DNMBP: variants seen among roughly 807,000 people sequenced by gnomAD.
DNMBP encodes the protein dynamin-binding protein.
Under a neutral mutation model 150.0 loss-of-function variants are expected in DNMBP, and 87 were observed. The observed-to-expected ratio is 0.58, with a 90% CI of 0.49 to 0.69. The LOEUF (loss-of-function observed/expected upper bound fraction) is 0.69, where lower values mean the gene tolerates loss of function less well. Ranked by LOEUF, DNMBP falls within the 30% of genes least tolerant of loss-of-function variation. The pLI is 0.00. For synonymous variants in DNMBP, 711 were observed against 750.4 expected (o/e 0.95, Z 0.86); for missense variants, 1,774 against 1,949.0 (o/e 0.91, Z 1.69).
intron 1 of DNMBP, among the ~76,000 whole-genome samples, chr10:99,999,474 T>C (rs747952619): frequency 1.3e-5 from 2 of 152,200 alleles, no homozygotes; most frequent in Non-Finnish European, 2.9e-5. Context: ...ATTGTTGTTG[T>C]TACACACAGT....
chr10:99,932,975 T>TA (rs199503935), intron 4 of DNMBP, among the ~76,000 whole-genome samples: 6,633 of 151,188 alleles, frequency 0.044, 167 homozygotes, highest in South Asian at 0.082. Flanking sequence ...AACAGAGACT[T>TA]ACGGTTCAGT....
chr10:99,958,594 A>G (rs2040525320), intron 3 of DNMBP, among the ~76,000 whole-genome samples: 1 of 152,256 alleles, frequency 6.6e-6, no homozygotes, highest in Admixed American at 6.5e-5. Flanking sequence ...TTCCAAGAGA[A>G]AATGAGAATT....
At chr10:99,954,487 G>A (rs1414010319) in intron 4 of DNMBP, among the ~76,000 whole-genome samples, 2 of 151,748 alleles carry the variant, frequency 1.3e-5, no homozygotes, top group African/African-American at 4.8e-5. Context: ...GCTCATGCCT[G>A]TAATCCCAGC....
chr10:99,877,528 T>G (rs1448707930), intron 16 of DNMBP, among the ~76,000 whole-genome samples, 192 bp from the exon 17 acceptor site: 1 of 151,992 alleles, frequency 6.6e-6, no homozygotes, highest in African/African-American at 2.4e-5. Context: ...TTTAAATAGG[T>G]ACATACGGAT....
chr10:99,986,056 A>G (rs927066359), intron 1 of DNMBP, among the ~76,000 whole-genome samples: 4 of 152,064 alleles, frequency 2.6e-5, no homozygotes, highest in Non-Finnish European at 4.4e-5. Flanking sequence ...TGGCCTCTCA[A>G]TGTCCTAGAT....
chr10:99,962,790 C>T (rs1216205684), intron 3 of DNMBP, among the ~76,000 whole-genome samples: 1 of 152,232 alleles, frequency 6.6e-6, no homozygotes, highest in Non-Finnish European at 1.5e-5. Context: ...ATAACTCCCA[C>T]TCTGCTGGCT....
rs199917003 is a variant in DNMBP, at chr10:99,885,827, T to C, written c.3658A>G (p.Ile1220Val). ...VAGREGNLIA[I>V]FHEEHSRVLQ... ...ACTCTGCTGTGCTCTTCGTGGAAGA[T>C]GGCAATAAGGTTTCCCTCTCTGCCA... The change falls in exon 14 of 17, where the codon ATC becomes GTC. Residue 1220 changes from isoleucine (I) to valine (V), a missense_variant. This residue lies in a region of DNMBP where 1,430 missense variants were observed against 1,492.5 expected (regional missense o/e 0.96). Coordinates refer to ENST00000324109, the MANE Select transcript of DNMBP (RefSeq NM_015221.4). 8.1e-6 allele frequency: 13 copies of C among 1,613,362 alleles called. No individual in the cohort carries two copies. The highest frequency in any genetic ancestry group is 3.3e-4 in the Middle Eastern group (2 of 6,058).
intron 11 of DNMBP, among the ~76,000 whole-genome samples, chr10:99,890,366 C>T (rs572540692): frequency 6.6e-6 from 1 of 152,140 alleles, no homozygotes; most frequent in South Asian, 2.1e-4. Flanking sequence ...TGTGGCATGA[C>T]AAAACTATTC....
rs562510309 is a variant in DNMBP at position 100,006,623 on chromosome 10, T to C, written c.-11+3215A>G. On this transcript the variant is annotated intron_variant, in intron 1 of 16. Transcript: ENST00000324109. ...CACTCAGTGTAAAGGCCAAAATCCT[T>C]ACAATGACCTACACTGATGTGTCCT... is the stretch of plus-strand genomic sequence containing the variant. 2.8e-3 allele frequency among the ~76,000 whole-genome samples: 430 copies of C among 152,058 alleles called. 5 individuals are homozygous for C. The highest frequency in any genetic ancestry group is 0.015 in the South Asian group (73 of 4,796).
intron 1 of DNMBP, among the ~76,000 whole-genome samples, chr10:100,001,025 T>TTCAA (rs2041004130): frequency 7.0e-6 from 1 of 142,524 alleles, no homozygotes. Context: ...GAGGGAGGAG[T>TTCAA]TCAAGACCAG....
In DNMBP at chr10:99,980,136, T is replaced by C. The variant is rs149442230; in HGVS notation, c.-10-8002A>G. Among the ~76,000 whole-genome samples the C allele has an allele frequency of 8.5e-3, 1,287 of 152,280 alleles. 18 individuals are homozygous for C. The highest frequency in any genetic ancestry group is 0.044 in the Middle Eastern group (13 of 294). On this transcript the variant is annotated intron_variant, in intron 1 of 16. Transcript: ENST00000324109. Reference sequence around the variant, plus strand: ...GAGAGTAAATGTATCAGAGAAAACATATTCAGAAATAAAATTTACAATGTA... The same window carrying C: ...GAGAGTAAATGTATCAGAGAAAACACATTCAGAAATAAAATTTACAATGTA...
rs1013707150 is a variant in DNMBP at position 99,983,981 on chromosome 10, AT to A, written c.-10-11848del. Among the ~76,000 whole-genome samples, 136 of 152,060 alleles carry A rather than the reference AT, an allele frequency of 8.9e-4. 1 individual carries two copies. Among genetic ancestry groups the A allele is most frequent in the African/African-American group, 3.1e-3 (129 of 41,478 alleles). ...CTAAACCACCCGAACACTTCTATAA[AT>A]TTTTTTTGTTTTACGAAAGACAGAA... On this transcript the variant is annotated intron_variant, in intron 1 of 16. Coordinates refer to ENST00000324109, the MANE Select transcript of DNMBP (RefSeq NM_015221.4).
chr10:99,976,440 A>G (rs1000508733), intron 1 of DNMBP, among the ~76,000 whole-genome samples: 1 of 152,212 alleles, frequency 6.6e-6, no homozygotes, highest in African/African-American at 2.4e-5. Context: ...AGCACTGTCT[A>G]TCTTTTAGGC....
At chr10:99,990,097 A>G (rs2040869740) in intron 1 of DNMBP, among the ~76,000 whole-genome samples, 2 of 152,232 alleles carry the variant, frequency 1.3e-5, no homozygotes, top group Non-Finnish European at 2.9e-5. Context: ...TAATTTATAC[A>G]TCAAAACGTA....
rs547012693 is a variant in DNMBP, at chr10:99,946,217, C to T, written c.2260+8997G>A. On this transcript the variant is annotated intron_variant, in intron 4 of 16. Transcript: ENST00000324109. ...AAGTCATCCATCCGCCTCGGCCTCC[C>T]AGAGTGCTGGGATTACAGGCATGAG... Among the ~76,000 whole-genome samples, 11 of 152,360 alleles carry T rather than the reference C, an allele frequency of 7.2e-5. No homozygotes were observed. The South Asian group carries it at 2.1e-3, about 29-fold the overall frequency.
At chr10:99,976,248 C>T (rs374581546) in intron 1 of DNMBP, among the ~76,000 whole-genome samples, 32 of 152,302 alleles carry the variant, frequency 2.1e-4, no homozygotes, top group African/African-American at 7.2e-4. Context: ...ATAAACTCTA[C>T]GGAGCTTACC....
chr10:99,879,328 T>C (rs1590205478), intron 16 of DNMBP, among the ~76,000 whole-genome samples: 1 of 151,746 alleles, frequency 6.6e-6, no homozygotes, highest in East Asian at 1.9e-4. Flanking sequence ...GCTGGGTGTG[T>C]TGGTGTACAC....
intron 4 of DNMBP, among the ~76,000 whole-genome samples, chr10:99,919,320 C>G (rs190943022): frequency 6.6e-6 from 1 of 152,306 alleles, no homozygotes; most frequent in Non-Finnish European, 1.5e-5. Flanking sequence ...AAAATTTGCT[C>G]AACTACATAA....
Position 99,956,451 on chromosome 10 carries a change from G to A in DNMBP, c.1023C>T (p.Thr341=), listed in dbSNP as rs1412793710. 2 of 1,613,890 alleles carry A rather than the reference G, an allele frequency of 1.2e-6. No homozygotes were observed. Among genetic ancestry groups the A allele is most frequent in the Non-Finnish European group, 1.7e-6 (2 of 1,180,020 alleles). The change falls in exon 4 of 17, where the codon ACC becomes ACT. Residue 341 remains threonine (T), a synonymous_variant. Transcript: ENST00000324109. ...CAGGCTCCTCGGCCTCATGGTCACT[G>A]GTTTCATGTCTTTGTTCCTCTACTC... ...TLGVEEQRHE[T]SDHEAEEPDC...
Sources: allele counts gnomAD v4.1 joint callset (sites outside exome capture counted in the v4.1 genomes callset), GRCh38; gene constraint gnomAD v4.1.1; regional missense constraint gnomAD v4.1.1; transcripts MANE v1.5; gene names NCBI Gene and HGNC (gene_info 2026-07-23, HGNC 2026-07-21).